The following SLC24A2 variants were observed in gnomAD, a reference collection of about 807,000 sequenced individuals.
SLC24A2 encodes solute carrier family 24 member 2.
SLC24A2 carries 36 observed loss-of-function variants against 62.0 expected under a neutral mutation model. The ratio of observed to expected loss-of-function variants is 0.58; its 90% CI spans 0.44 to 0.77. The LOEUF is 0.77. Ranked by LOEUF, SLC24A2 falls within the 30% of genes least tolerant of loss-of-function variation. The pLI is 0.00. For missense variants in SLC24A2, 846 were observed against 817.9 expected (o/e 1.03, Z -0.42); for synonymous variants, 358 against 294.0 (o/e 1.22, Z -2.23).
At chr9:20,271,343 A>T in the SLC24A2 span, among the ~76,000 whole-genome samples, 1 of 152,214 alleles carries the variant, frequency 6.6e-6, no homozygotes, top group African/African-American at 2.4e-5. Context: ...GTTACATCCT[A>T]CCCAGAATAT....
the SLC24A2 span, among the ~76,000 whole-genome samples, chr9:19,833,769 G>C: frequency 6.6e-6 from 1 of 152,252 alleles, no homozygotes; most frequent in Non-Finnish European, 1.5e-5. Context: ...AGAATAGGCA[G>C]ACTGCCTCCT....
At chr9:19,985,404 A>G in the SLC24A2 span, among the ~76,000 whole-genome samples, 1 of 152,340 alleles carries the variant, frequency 6.6e-6, no homozygotes, top group East Asian at 1.9e-4. Flanking sequence ...CTATTCGGAA[A>G]TAAAAAGAAA....
chr9:19,712,069 C>T (rs1479302453), intron 2 of SLC24A2, among the ~76,000 whole-genome samples: 2 of 152,134 alleles, frequency 1.3e-5, no homozygotes, highest in Non-Finnish European at 2.9e-5. Context: ...AGTGGCTGCC[C>T]TTCCAAGATG....
the SLC24A2 span, among the ~76,000 whole-genome samples, chr9:20,087,698 G>A: frequency 3.5e-4 from 54 of 152,324 alleles, no homozygotes; most frequent in Non-Finnish European, 5.9e-4. Flanking sequence ...GGCTGGCCAA[G>A]ATGGCTGACT....
At chr9:19,821,757 G>A in the SLC24A2 span, among the ~76,000 whole-genome samples, 1 of 152,118 alleles carries the variant, frequency 6.6e-6, no homozygotes, top group Non-Finnish European at 1.5e-5. Context: ...CAGGAAGCAA[G>A]GTTATGTGCA....
At chr9:20,107,761 T>A in the SLC24A2 span, among the ~76,000 whole-genome samples, 42 of 152,078 alleles carry the variant, frequency 2.8e-4, no homozygotes, top group African/African-American at 9.9e-4. Flanking sequence ...AACCTAGGCA[T>A]TACCATTCAG....
chr9:19,806,511 T>C, the SLC24A2 span, among the ~76,000 whole-genome samples: 1 of 152,136 alleles, frequency 6.6e-6, no homozygotes, highest in Non-Finnish European at 1.5e-5. Context: ...TACAATGAGT[T>C]TAGGATAGAA....
At chr9:19,988,505 C>T in the SLC24A2 span, among the ~76,000 whole-genome samples, 12 of 152,168 alleles carry the variant, frequency 7.9e-5, no homozygotes, top group East Asian at 3.9e-4. Context: ...GCACAATCAG[C>T]GTTCCATTAA....
At chr9:19,771,372 C>A (rs1016065293) in intron 2 of SLC24A2, among the ~76,000 whole-genome samples, 6 of 152,146 alleles carry the variant, frequency 3.9e-5, no homozygotes, top group Non-Finnish European at 8.8e-5. Flanking sequence ...ACATATGTTT[C>A]CTAAGCCTGT....
the SLC24A2 span, among the ~76,000 whole-genome samples, chr9:20,104,296 C>G: frequency 6.6e-6 from 1 of 152,200 alleles, no homozygotes; most frequent in African/African-American, 2.4e-5. Context: ...TCCAGGAGAC[C>G]TTTCCCAATC....
At chr9:19,729,395 T>C (rs1281017852) in intron 2 of SLC24A2, among the ~76,000 whole-genome samples, 6 of 152,218 alleles carry the variant, frequency 3.9e-5, no homozygotes, top group Non-Finnish European at 7.4e-5. Flanking sequence ...AGGAAAGAAG[T>C]GTATTGAAGA....
At chr9:20,274,900 C>G in the SLC24A2 span, among the ~76,000 whole-genome samples, 1 of 152,078 alleles carries the variant, frequency 6.6e-6, no homozygotes, top group African/African-American at 2.4e-5. Flanking sequence ...TGTGCCTCTC[C>G]CAGCCACTGT....
intron 2 of SLC24A2, among the ~76,000 whole-genome samples, chr9:19,749,722 C>T (rs573498083): frequency 5.9e-4 from 90 of 152,250 alleles, no homozygotes; most frequent in African/African-American, 2.0e-3. Context: ...AAAATGACTC[C>T]TTGTATAATG....
the SLC24A2 span, among the ~76,000 whole-genome samples, chr9:19,870,785 T>C: frequency 6.6e-6 from 1 of 152,322 alleles, no homozygotes; most frequent in South Asian, 2.1e-4. Flanking sequence ...CCTGTATTTA[T>C]TGGCCATTTG....
chr9:19,673,505 G>C (rs1325547084), intron 2 of SLC24A2, among the ~76,000 whole-genome samples: 1 of 152,070 alleles, frequency 6.6e-6, no homozygotes, highest in African/African-American at 2.4e-5. Flanking sequence ...CTGGAGTGCA[G>C]TGGCACGATA....
At chr9:20,052,985 T>C in the SLC24A2 span, among the ~76,000 whole-genome samples, 8 of 152,328 alleles carry the variant, frequency 5.3e-5, no homozygotes, top group Non-Finnish European at 1.5e-5. Flanking sequence ...TTTCATCCTC[T>C]CTATCTCCAC....
the SLC24A2 span, among the ~76,000 whole-genome samples, chr9:20,084,185 G>C: frequency 6.6e-6 from 1 of 152,198 alleles, no homozygotes; most frequent in Non-Finnish European, 1.5e-5. Flanking sequence ...AAACTGGTGA[G>C]CTTCTCAGCA....
chr9:20,009,994 T>C, the SLC24A2 span, among the ~76,000 whole-genome samples: 606 of 152,250 alleles, frequency 4.0e-3, 1 homozygote, highest in Middle Eastern at 0.01. Flanking sequence ...ACAATAATAC[T>C]GTCTAGCCAG....
chr9:20,190,731 T>A, the SLC24A2 span, among the ~76,000 whole-genome samples: 1 of 152,092 alleles, frequency 6.6e-6, no homozygotes, highest in Non-Finnish European at 1.5e-5. Flanking sequence ...AATTAAAAAA[T>A]AAAAATTAAA....
Sources: allele counts gnomAD v4.1 joint callset (sites outside exome capture counted in the v4.1 genomes callset), GRCh38; gene constraint gnomAD v4.1.1; transcripts MANE v1.5; gene names NCBI Gene and HGNC (gene_info 2026-07-23, HGNC 2026-07-21).